Variants in MARK1 observed in about 807,000 individuals in gnomAD.
The protein encoded by MARK1 is microtubule affinity regulating kinase 1, also known as serine/threonine-protein kinase MARK1.
MARK1 carries 40 observed loss-of-function variants against 96.3 expected under a neutral mutation model. The ratio of observed to expected loss-of-function variants is 0.42; its 90% CI spans 0.32 to 0.54. The LOEUF (loss-of-function observed/expected upper bound fraction) is 0.54, where lower values mean the gene tolerates loss of function less well. Among genes scored for constraint, MARK1 ranks in the 20% least tolerant of loss-of-function variants. The pLI, the probability that MARK1 is intolerant of heterozygous loss-of-function variation, is 0.16. For synonymous variants in MARK1, 317 were observed against 341.2 expected, an observed-to-expected ratio of 0.93 and a Z score of 0.78; for missense variants, 719 against 984.6, an observed-to-expected ratio of 0.73 and a Z score of 3.61.
At chr1:220,593,028 T>G (rs889684276) in intron 3 of MARK1, among the ~76,000 whole-genome samples, 3 of 152,214 alleles carry the variant, frequency 2.0e-5, no homozygotes, top group Non-Finnish European at 4.4e-5. Context: ...ATATTCTATA[T>G]GAGTGTAGGA....
intron 1 of MARK1, among the ~76,000 whole-genome samples, chr1:220,550,505 A>G (rs1661788703): frequency 6.6e-6 from 1 of 152,086 alleles, no homozygotes; most frequent in South Asian, 2.1e-4. Flanking sequence ...GGCGTGCGCC[A>G]CCACACCCCG....
rs1010590035 is a variant in MARK1, at chr1:220,663,433, A to G, written c.*1267A>G. The G allele has an allele frequency of 6.6e-6, 1 of 152,618 alleles. No homozygotes were observed. Among genetic ancestry groups the G allele is most frequent in the Admixed American group, 6.5e-5 (1 of 15,278 alleles). 9.5% of individuals were successfully genotyped at this position (152,618 alleles called of 1,614,324 possible). Reference sequence around the variant, plus strand: ...ATATATGCGATGTAAAACCACTAGTAAAGGTACATTTTAATACTTGTTATT... The same window carrying G: ...ATATATGCGATGTAAAACCACTAGTGAAGGTACATTTTAATACTTGTTATT... On this transcript the variant is annotated 3_prime_UTR_variant, in exon 18 of 18. Transcript: ENST00000366917.
rs200528717 is a variant in MARK1 at position 220,566,811 on chromosome 1, GACA to G, written c.52-12539_52-12537del. 6.2e-3 allele frequency among the ~76,000 whole-genome samples: 930 copies of G among 150,744 alleles called. 9 individuals are homozygous for G. Among genetic ancestry groups the G allele is most frequent in the East Asian group, 0.014 (69 of 5,088 alleles). On this transcript the variant is annotated intron_variant, in intron 1 of 17. Transcript: ENST00000366917. Reference sequence around the variant, plus strand: ...TAGCAGCCATCATTTACTCAACACTGACAACATCTTCTGTGTTGAATGCTTTTT... The same window carrying G: ...TAGCAGCCATCATTTACTCAACACTGACATCTTCTGTGTTGAATGCTTTTT...
At chr1:220,633,844 G>C (rs1279981216) in intron 11 of MARK1, among the ~76,000 whole-genome samples, 1 of 152,180 alleles carries the variant, frequency 6.6e-6, no homozygotes, top group East Asian at 1.9e-4. Context: ...AATTTGAGCT[G>C]GTTGAATTTG....
chr1:220,639,591 C>T (rs1668159057), intron 13 of MARK1, among the ~76,000 whole-genome samples: 1 of 152,108 alleles, frequency 6.6e-6, no homozygotes, highest in Admixed American at 6.6e-5. Context: ...AGTTCCATGT[C>T]TGGGTCTATG....
At chr1:220,556,128 C>A (rs921662779) in intron 1 of MARK1, among the ~76,000 whole-genome samples, 2 of 152,024 alleles carry the variant, frequency 1.3e-5, no homozygotes, top group African/African-American at 4.8e-5. Context: ...ACAGGAAATA[C>A]GGTATCAGCA....
At chr1:220,653,541 G>GA (rs1423460068) in intron 16 of MARK1, among the ~76,000 whole-genome samples, 189 bp downstream of exon 16, 2 of 151,842 alleles carry the variant, frequency 1.3e-5, no homozygotes, top group Admixed American at 1.3e-4. Flanking sequence ...AGAGAGAAAG[G>GA]AAAAAATGGA....
Position 220,528,707 on chromosome 1 carries a change from G to A in MARK1, c.-116G>A, listed in dbSNP as rs995749084. On this transcript the variant is annotated 5_prime_UTR_variant, in exon 1 of 18. Transcript: ENST00000366917. ...CTTGTTGCACCGCCCCGCGGCCTGC[G>A]GGAGCCGCTCGCCCCGGCCTTGTGC... 1 of 882,320 alleles carries A rather than the reference G, an allele frequency of 1.1e-6. No homozygotes were observed. Among genetic ancestry groups the A allele is most frequent in the South Asian group, 2.0e-5 (1 of 49,244 alleles). 54.7% of individuals were successfully genotyped at this position (882,320 alleles called of 1,614,324 possible).
chr1:220,603,370 A>G (rs1323057677), intron 5 of MARK1, among the ~76,000 whole-genome samples: 1 of 152,086 alleles, frequency 6.6e-6, no homozygotes, highest in Non-Finnish European at 1.5e-5. Context: ...AAATTATTTC[A>G]CCAAACATTT....
chr1:220,561,905 G>C (rs2095670), intron 1 of MARK1, among the ~76,000 whole-genome samples: 142,928 of 152,218 alleles, frequency 0.94, 67,817 homozygotes, highest in East Asian at 1. Flanking sequence ...ATGACATTGC[G>C]AGCTTTTTGT....
chr1:220,637,166 AT>A (rs1668011496), intron 13 of MARK1, among the ~76,000 whole-genome samples: 1 of 152,202 alleles, frequency 6.6e-6, no homozygotes, highest in Non-Finnish European at 1.5e-5. Context: ...GGGAAGAGAA[AT>A]GAATCTAGAA....
chr1:220,572,661 A>T (rs887847497), intron 1 of MARK1, among the ~76,000 whole-genome samples: 2 of 152,200 alleles, frequency 1.3e-5, no homozygotes, highest in Admixed American at 1.3e-4. Flanking sequence ...GTACAGTATT[A>T]TGCTTTGCTT....
At chr1:220,616,020 T>TAAAAAA in intron 7 of MARK1, 25 bp downstream of exon 7, 1 of 857,242 alleles carries the variant, frequency 1.2e-6, no homozygotes, top group Non-Finnish European at 1.8e-6. Flanking sequence ...GTAATTTTTT[T>TAAAAAA]AAAAAAAAAA....
At chr1:220,584,498 T>A (rs1368842668) in intron 3 of MARK1, among the ~76,000 whole-genome samples, 1 of 152,206 alleles carries the variant, frequency 6.6e-6, no homozygotes, top group East Asian at 1.9e-4. Flanking sequence ...ATAATCAAGT[T>A]ACCGCTCGTG....
chr1:220,616,028 A>AT lies in MARK1; in HGVS notation c.552+33_552+34insT, dbSNP rs569383705. 2.7e-4 allele frequency: 320 copies of AT among 1,178,128 alleles called. 1 individual carries two copies. In the East Asian group the frequency reaches 7.6e-3, roughly 28 times the overall value. The allele number at this position is 1,178,128 out of a possible 1,614,324, so 73.0% of individuals were successfully genotyped here. ...TCTGAGTGTAATTTTTTTAAAAAAA[A>AT]AATCGTTATTATTAACATATATTTA... On this transcript the variant is annotated intron_variant, in intron 7 of 17. Coordinates refer to ENST00000366917, the MANE Select transcript of MARK1 (RefSeq NM_018650.5).
At chr1:220,653,920 A>G (rs937688319) in intron 16 of MARK1, among the ~76,000 whole-genome samples, 4 of 152,232 alleles carry the variant, frequency 2.6e-5, no homozygotes, top group East Asian at 1.9e-4. Flanking sequence ...CATACTTACT[A>G]TGCTTACTAT....
intron 1 of MARK1, among the ~76,000 whole-genome samples, chr1:220,561,121 A>G (rs967507637): frequency 3.9e-5 from 6 of 151,924 alleles, no homozygotes; most frequent in Admixed American, 2.6e-4. Flanking sequence ...AAGGAGGTGT[A>G]GGTAGGACAT....
intron 13 of MARK1, among the ~76,000 whole-genome samples, chr1:220,643,981 C>T (rs1295520848): frequency 6.6e-6 from 1 of 152,156 alleles, no homozygotes; most frequent in Non-Finnish European, 1.5e-5. Context: ...AGTACACAGA[C>T]CGATGACACT....
intron 13 of MARK1, among the ~76,000 whole-genome samples, chr1:220,646,072 G>GA (rs1668560523): frequency 6.6e-6 from 1 of 152,148 alleles, no homozygotes. Flanking sequence ...AATCAGGCAA[G>GA]AGAAGGAAAT....
Sources: allele counts gnomAD v4.1 joint callset (sites outside exome capture counted in the v4.1 genomes callset), GRCh38; gene constraint gnomAD v4.1.1; transcripts MANE v1.5; gene names NCBI Gene and HGNC (gene_info 2026-07-23, HGNC 2026-07-21).